LZTFL1: variants seen among roughly 807,000 people sequenced by gnomAD.
LZTFL1 encodes the protein leucine zipper transcription factor-like protein 1.
Under a neutral mutation model 45.9 loss-of-function variants are expected in LZTFL1, and 25 were observed. The observed-to-expected ratio is 0.54, with a 90% CI of 0.40 to 0.76. The LOEUF is 0.76. Ranked by LOEUF, LZTFL1 falls within the 30% of genes least tolerant of loss-of-function variation. LZTFL1 has a pLI of 0.00. For missense variants in LZTFL1, 277 were observed against 331.1 expected (o/e 0.84, Z 1.27); for synonymous variants, 93 against 117.4 (o/e 0.79, Z 1.35).
intron 2 of LZTFL1, chr3:45,902,160 C>A: frequency 2.7e-6 from 1 of 363,856 alleles, no homozygotes. Flanking sequence ...CTGTGGAGCA[C>A]CCTGGCTTTG....
chr3:45,892,290 G>A (rs1702205195), intron 2 of LZTFL1, among the ~76,000 whole-genome samples: 1 of 152,038 alleles, frequency 6.6e-6, no homozygotes, highest in East Asian at 1.9e-4. Context: ...ATTCACAATA[G>A]CAAAAACATG....
At chr3:45,839,437 T>G (rs971000691) in intron 1 of LZTFL1, among the ~76,000 whole-genome samples, 7 of 152,198 alleles carry the variant, frequency 4.6e-5, no homozygotes, top group Non-Finnish European at 1.0e-4. Flanking sequence ...TTACACTCTT[T>G]GCTCTCCCAA....
At chr3:45,889,262 G>A (rs1407631635) in intron 2 of LZTFL1, among the ~76,000 whole-genome samples, 2 of 152,040 alleles carry the variant, frequency 1.3e-5, no homozygotes, top group Admixed American at 1.3e-4. Flanking sequence ...TGGAATTACA[G>A]GCATGAGCCA....
intron 2 of LZTFL1, among the ~76,000 whole-genome samples, chr3:45,912,322 C>CA (rs1310073363): frequency 6.6e-6 from 1 of 152,122 alleles, no homozygotes; most frequent in African/African-American, 2.4e-5. Flanking sequence ...AGAAATATTA[C>CA]AAAAATGGTC....
At chr3:45,884,204 A>C (rs1406874827) in intron 2 of LZTFL1, 2 of 152,356 alleles carry the variant, frequency 1.3e-5, no homozygotes, top group Non-Finnish European at 2.9e-5. Flanking sequence ...CCCTTAGAAA[A>C]GGGGACCAGC....
At position 45,826,359 on chromosome 3, in the gene LZTFL1, G is replaced by A. The variant is rs764453443; in HGVS notation, c.882-27C>T. 6.3e-6 allele frequency: 10 copies of A among 1,591,732 alleles called. No homozygotes were observed. In the Admixed American group the frequency reaches 1.5e-4, roughly 24 times the overall value. ...TGGAGATATAAATTAAGAACACAAT[G>A]TCAGGATACCTTTTGTTGTTGTTAT... On this transcript the variant is annotated intron_variant, in intron 9 of 9. Transcript: ENST00000296135.
At chr3:45,910,831 G>A (rs1213305091) in intron 2 of LZTFL1, among the ~76,000 whole-genome samples, 1 of 152,024 alleles carries the variant, frequency 6.6e-6, no homozygotes, top group Non-Finnish European at 1.5e-5. Context: ...TATTTTATTC[G>A]CCATTTTGTG....
intron 3 of LZTFL1, chr3:45,835,168 A>T (rs1375581722): frequency 6.5e-6 from 1 of 153,668 alleles, no homozygotes; most frequent in Non-Finnish European, 1.4e-5. Context: ...TATACTTTTA[A>T]ATTCCATTAT....
chr3:45,829,462 G>T (rs1399282524), intron 7 of LZTFL1, among the ~76,000 whole-genome samples: 20 of 151,892 alleles, frequency 1.3e-4, no homozygotes, highest in Non-Finnish European at 5.9e-5. Context: ...AAATTAGCCA[G>T]GCATGGTGGC....
At chr3:45,913,531 G>T (rs1419696211) in intron 1 of LZTFL1, among the ~76,000 whole-genome samples, 3 of 152,062 alleles carry the variant, frequency 2.0e-5, no homozygotes, top group Non-Finnish European at 4.4e-5. Context: ...CTTCATTTCC[G>T]AGTGGAGATA....
At chr3:45,884,934 C>T (rs1701940073) in intron 2 of LZTFL1, among the ~76,000 whole-genome samples, 1 of 152,164 alleles carries the variant, frequency 6.6e-6, no homozygotes, top group Non-Finnish European at 1.5e-5. Context: ...TAGTTTCAGA[C>T]ACCATTTATT....
At chr3:45,892,636 C>T (rs903012579) in intron 2 of LZTFL1, among the ~76,000 whole-genome samples, 7 of 151,968 alleles carry the variant, frequency 4.6e-5, no homozygotes, top group African/African-American at 1.4e-4. Flanking sequence ...ACCTGGGTGG[C>T]GAAATAATCT....
At chr3:45,833,841 T>C (rs990731558) in intron 4 of LZTFL1, among the ~76,000 whole-genome samples, 1 of 152,194 alleles carries the variant, frequency 6.6e-6, no homozygotes, top group African/African-American at 2.4e-5. Context: ...ATTGTCTCCA[T>C]TTGTCAGATG....
At chr3:45,874,110 T>C (rs184359913) in intron 2 of LZTFL1, among the ~76,000 whole-genome samples, 4 of 152,338 alleles carry the variant, frequency 2.6e-5, no homozygotes, top group African/African-American at 9.6e-5. Context: ...CCACTTCCTT[T>C]CTTGCTGTTA....
At chr3:45,914,970 T>G (rs547294993) in intron 1 of LZTFL1, among the ~76,000 whole-genome samples, 1 of 152,236 alleles carries the variant, frequency 6.6e-6, no homozygotes, top group African/African-American at 2.4e-5. Flanking sequence ...AGGACTGGAC[T>G]GAGGCTGCTG....
intron 2 of LZTFL1, among the ~76,000 whole-genome samples, chr3:45,881,775 C>A (rs943579882): frequency 4.6e-5 from 7 of 152,252 alleles, no homozygotes; most frequent in Non-Finnish European, 8.8e-5. Context: ...CAGCCTCACA[C>A]CCTTCACCCC....
intron 2 of LZTFL1, among the ~76,000 whole-genome samples, chr3:45,899,721 T>C (rs1287466454): frequency 1.3e-5 from 2 of 152,086 alleles, no homozygotes; most frequent in East Asian, 3.9e-4. Flanking sequence ...GCAGAGGTTT[T>C]GGAAGGAATG....
At chr3:45,882,182 C>T (rs1436742628) in intron 2 of LZTFL1, among the ~76,000 whole-genome samples, 3 of 152,188 alleles carry the variant, frequency 2.0e-5, no homozygotes, top group African/African-American at 7.2e-5. Flanking sequence ...CTAGAATGTG[C>T]TGCTGGGCTT....
chr3:45,840,755 G>A (rs1055009809), intron 1 of LZTFL1, among the ~76,000 whole-genome samples: 5 of 152,160 alleles, frequency 3.3e-5, no homozygotes, highest in Admixed American at 6.5e-5. Context: ...AATGGGTAAG[G>A]TACCAGAAAG....
Sources: gnomAD v4.1 joint callset for allele counts (sites outside exome capture counted in the v4.1 genomes callset) on GRCh38, gnomAD v4.1.1 for gene constraint, MANE v1.5 for transcripts, NCBI Gene and HGNC (gene_info 2026-07-23, HGNC 2026-07-21) for gene names.